CCDC187: variants seen among roughly 807,000 people sequenced by gnomAD.
CCDC187 encodes the protein coiled-coil domain-containing protein 187.
A neutral mutation model predicts 38.0 loss-of-function variants in CCDC187; 32 were observed. The observed-to-expected ratio is 0.84, with a 90% CI of 0.64 to 1.13. The LOEUF is 1.13. Among genes scored for constraint, CCDC187 ranks in the 50% most tolerant of loss-of-function variants. The pLI, the probability that CCDC187 is intolerant of heterozygous loss-of-function variation, is 0.00. For missense variants in CCDC187, 707 were observed against 786.8 expected (o/e 0.90, Z 1.21); for synonymous variants, 333 against 347.9 (o/e 0.96, Z 0.48).
chr9:136,256,515 A>C (rs954716665), intron 23 of CCDC187, among the ~76,000 whole-genome samples, 190 bp downstream of exon 23: 1 of 152,006 alleles, frequency 6.6e-6, no homozygotes, highest in Non-Finnish European at 1.5e-5. Context: ...ATGGAAAAAA[A>C]GTCTGTTTTT....
At position 136,267,496 on chromosome 9, in the gene CCDC187, G is replaced by C. The variant is rs1184052637; in HGVS notation, c.3535C>G (p.Leu1179Val). The C allele has an allele frequency of 1.0e-6, 1 of 985,598 alleles. No individual in the cohort carries two copies. The highest frequency in any genetic ancestry group is 1.7e-5 in the African/African-American group (1 of 57,268). The allele number at this position is 985,598 out of a possible 1,614,324, so 61.1% of individuals were successfully genotyped here. The change falls in exon 16 of 26, where the codon CTG (leucine) becomes GTG (valine). Residue 1179 changes from leucine (L) to valine (V), a missense_variant. Physicochemically the swap from Leu to Val is conservative, Grantham distance 32 (BLOSUM62 1). Coordinates refer to ENST00000638797, the MANE Select transcript of CCDC187 (RefSeq NM_001378188.1). The part of the protein sequence containing the change: ...NPTHQMLERS[L>V]REEELRAQHQ... ...TGTGCTCGCAGCTCCTCCTCCCGCA[G>C]GCTCCGCTCCAGCATCTGCAGCTTG...
rs1018156544 is a variant in CCDC187 at position 136,303,087 on chromosome 9, C to T, written c.350G>A (p.Arg117His). The change falls in exon 2 of 26, where the codon CGC (arginine) becomes CAC (histidine). Residue 117 changes from arginine to histidine, a missense_variant. Coordinates refer to ENST00000638797, the MANE Select transcript of CCDC187 (RefSeq NM_001378188.1). ...GTGGCCCCCCGAAGAGCACGAGAGG[C>T]GGCCCGATGACACCGAGCTGTCCCC... ...RDGDSSVSSG[R>H]LSCSSGGHDV... is the part of the protein sequence containing the mutation. The T allele has an allele frequency of 2.5e-5, 10 of 398,496 alleles. No homozygotes were observed. The highest frequency in any genetic ancestry group is 1.9e-4 in the African/African-American group (9 of 48,636). 24.7% of individuals were successfully genotyped at this position (398,496 alleles called of 1,614,324 possible).
chr9:136,262,640 C>T (rs75582031), intron 18 of CCDC187, among the ~76,000 whole-genome samples, 178 bp from the exon 19 acceptor site: 6 of 152,174 alleles, frequency 3.9e-5, no homozygotes, highest in Non-Finnish European at 8.8e-5. Context: ...GGGTCCTGCA[C>T]CCCCACTGAG....
chr9:136,289,881 C>T (rs1831272684), intron 7 of CCDC187, 78 bp downstream of exon 7: 2 of 393,938 alleles, frequency 5.1e-6, no homozygotes, highest in Non-Finnish European at 8.9e-6. Context: ...ACGAGGGCCC[C>T]AGAACGCACC....
At chr9:136,306,322 A>C (rs2131378378), upstream of CCDC187, among the ~76,000 whole-genome samples, 1 of 150,870 alleles carries the variant, frequency 6.6e-6, no homozygotes, top group East Asian at 2.0e-4. Context: ...TGCTCTCTCC[A>C]CTCCACCCAC....
chr9:136,292,832 G>A (rs1296818410), intron 4 of CCDC187, among the ~76,000 whole-genome samples: 2 of 152,356 alleles, frequency 1.3e-5, no homozygotes, highest in East Asian at 3.9e-4. Context: ...ACACGGGTGG[G>A]CAGCGGTGAA....
At chr9:136,262,269 T>C in intron 19 of CCDC187, 42 bp downstream of exon 19, 5 of 985,686 alleles carry the variant, frequency 5.1e-6, no homozygotes, top group Non-Finnish European at 6.0e-6. Flanking sequence ...AACATCAGGG[T>C]CCAGACCCCG....
chr9:136,284,514 T>C (rs879009872), intron 9 of CCDC187, among the ~76,000 whole-genome samples: 116,650 of 151,998 alleles, frequency 0.77, 45,129 homozygotes, highest in East Asian at 0.82. Flanking sequence ...GGGTCCCTCA[T>C]CCAGGGTGCT....
intron 4 of CCDC187, 141 bp downstream of exon 4, chr9:136,297,573 G>C (rs1257152360): frequency 2.6e-5 from 10 of 389,248 alleles, no homozygotes; most frequent in Non-Finnish European, 4.5e-5. Flanking sequence ...CCGATCCCAG[G>C]TGCCCTGCAG....
intron 2 of CCDC187, among the ~76,000 whole-genome samples, chr9:136,301,373 G>A (rs1366180654): frequency 2.0e-5 from 3 of 151,856 alleles, no homozygotes; most frequent in Non-Finnish European, 4.4e-5. Flanking sequence ...CCCCAGAGTT[G>A]TCAGAGCTAC....
rs1324748632 is a variant in CCDC187 at position 136,263,602 on chromosome 9, G to C, written c.3912+20C>G. ...ACAGCATTTCTGCAGCTGAGTCCCA[G>C]CCCAGGCGAGAGCACCCACCTGCTG... On this transcript the variant is annotated intron_variant, in intron 18 of 25. Transcript: ENST00000638797. 13 of 985,276 alleles carry C rather than the reference G, an allele frequency of 1.3e-5. No individual in the cohort carries two copies. In the African/African-American group the frequency reaches 2.1e-4, roughly 16 times the overall value. The allele number at this position is 985,276 out of a possible 1,614,324, so 61.0% of individuals were successfully genotyped here.
intron 7 of CCDC187, among the ~76,000 whole-genome samples, chr9:136,288,701 T>C (rs1402453170): frequency 1.3e-5 from 2 of 152,080 alleles, no homozygotes; most frequent in Non-Finnish European, 2.9e-5. Context: ...TCAGACCCCA[T>C]GTGTGTGATT....
At chr9:136,299,312 C>T (rs1831615060) in intron 3 of CCDC187, among the ~76,000 whole-genome samples, 1 of 152,198 alleles carries the variant, frequency 6.6e-6, no homozygotes, top group South Asian at 2.1e-4. Flanking sequence ...CAAATGCCTG[C>T]CTGTGGCTGC....
At chr9:136,272,522 G>A (rs908080279) in intron 14 of CCDC187, among the ~76,000 whole-genome samples, 1 of 152,116 alleles carries the variant, frequency 6.6e-6, no homozygotes, top group African/African-American at 2.4e-5. Flanking sequence ...GGCCAACATG[G>A]TGAAACCCCG....
chr9:136,293,227 A>AAACACATG (rs1831390135), intron 4 of CCDC187, among the ~76,000 whole-genome samples: 39 of 144,692 alleles, frequency 2.7e-4, no homozygotes, highest in African/African-American at 9.7e-4. Flanking sequence ...ACACACTCAC[A>AAACACATG]CTCACACGCT....
Position 136,255,142 on chromosome 9 carries a change from AG to A in CCDC187, c.4694-9del. ...CAGGGACCACAGGAGCTGCTAAGAGAGGGGGCAATCAACAGTGGTCACCCTC... is the reference window on the plus strand; with the variant it reads ...CAGGGACCACAGGAGCTGCTAAGAGAGGGGCAATCAACAGTGGTCACCCTC... On this transcript the variant is annotated splice_polypyrimidine_tract_variant and intron_variant, in intron 25 of 25. Transcript: ENST00000638797. The A allele has an allele frequency of 4.1e-6, 4 of 985,336 alleles. No individual in the cohort carries two copies. The highest frequency in any genetic ancestry group is 4.8e-6 in the Non-Finnish European group (4 of 829,864). The allele number at this position is 985,336 out of a possible 1,614,324, so 61.0% of individuals were successfully genotyped here.
Position 136,290,516 on chromosome 9 carries a change from C to T in CCDC187, c.2097G>A (p.Val699=). 1 of 398,590 alleles carries T rather than the reference C, an allele frequency of 2.5e-6. No individual in the cohort carries two copies. Among genetic ancestry groups the T allele is most frequent in the Non-Finnish European group, 4.4e-6 (1 of 226,078 alleles). 24.7% of individuals were successfully genotyped at this position (398,590 alleles called of 1,614,324 possible). Residue 699 remains valine, a synonymous_variant, in exon 6 of 26, where the codon GTG becomes GTA. Transcript: ENST00000638797. The part of the protein sequence containing the change: ...PVVSRTTPGI[V]TFVPSSAQSG... The stretch of plus-strand genomic sequence containing the variant: ...ACTGTGCAGAACTGGGGACAAAGGT[C>T]ACGATGCCAGGGGTGGTCCGGGAGA...
intron 9 of CCDC187, among the ~76,000 whole-genome samples, chr9:136,282,697 G>GT (rs2131257035): frequency 6.6e-6 from 1 of 152,362 alleles, no homozygotes; most frequent in East Asian, 1.9e-4. Context: ...GCCCACAGGT[G>GT]TTTGTCTCAC....
upstream of CCDC187, among the ~76,000 whole-genome samples, chr9:136,305,190 A>G (rs1326197289): frequency 1.3e-5 from 2 of 152,130 alleles, no homozygotes; most frequent in African/African-American, 4.8e-5. Context: ...CTCCAGCCCC[A>G]CCTGGCCTGT....
Sources: allele counts gnomAD v4.1 joint callset (sites outside exome capture counted in the v4.1 genomes callset), GRCh38; gene constraint gnomAD v4.1.1; transcripts MANE v1.5; gene names NCBI Gene and HGNC (gene_info 2026-07-23, HGNC 2026-07-21).